MALRD1: variants seen among roughly 807,000 people sequenced by gnomAD.
The protein encoded by MALRD1 is MAM and LDL receptor class A domain containing 1, also known as MAM and LDL-receptor class A domain-containing protein 1.
A neutral mutation model predicts 242.1 loss-of-function variants in MALRD1; 247 were observed. That is an observed-to-expected ratio of 1.02 (90% CI 0.92 to 1.13). MALRD1 has a LOEUF of 1.13. MALRD1 is among the 50% of genes most tolerant of loss of function. The pLI, the probability that MALRD1 is intolerant of heterozygous loss-of-function variation, is 0.00. For missense variants in MALRD1, 2,989 were observed against 2,533.1 expected (o/e 1.18, Z -3.86); for synonymous variants, 995 against 866.6 (o/e 1.15, Z -2.60).
At chr10:19,618,811 T>A (rs1434370234) in intron 36 of MALRD1, among the ~76,000 whole-genome samples, 1 of 152,062 alleles carries the variant, frequency 6.6e-6, no homozygotes, top group Admixed American at 6.6e-5. Flanking sequence ...TTGCTCTTTC[T>A]CATTACCTGA....
intron 2 of MALRD1, among the ~76,000 whole-genome samples, chr10:19,074,698 GA>G (rs1296439638): frequency 1.1e-4 from 17 of 151,964 alleles, no homozygotes; most frequent in African/African-American, 4.1e-4. Context: ...AGCTAAAAAT[GA>G]TACATTCTCT....
At chr10:19,300,409 C>T (rs1231865578) in intron 21 of MALRD1, among the ~76,000 whole-genome samples, 2 of 151,870 alleles carry the variant, frequency 1.3e-5, no homozygotes, top group African/African-American at 4.8e-5. Flanking sequence ...ATAGCAAGAG[C>T]AATCCTAAGC....
chr10:19,256,604 C>T (rs1839526311), intron 18 of MALRD1, among the ~76,000 whole-genome samples: 1 of 151,898 alleles, frequency 6.6e-6, no homozygotes. Flanking sequence ...GAAACATTTC[C>T]CAAATTAATT....
intron 18 of MALRD1, among the ~76,000 whole-genome samples, chr10:19,247,636 C>T (rs377150018): frequency 8.6e-5 from 13 of 151,770 alleles, no homozygotes; most frequent in African/African-American, 3.1e-4. Context: ...TAAGTGACAC[C>T]AAAGCATTTC....
rs947600759 is a variant in MALRD1 at position 19,048,944 on chromosome 10, C to T, written c.6C>T (p.Leu2=). M[L]FFLDRMLAFP... ...CTAATAGACAATACCAAGTAATGCT[C>T]TTCTTCCTGGACAGAATGTTGGCAT... The change falls in exon 1 of 40, where the codon CTC becomes CTT. Residue 2 remains leucine, a synonymous_variant. Coordinates refer to ENST00000454679, the MANE Select transcript of MALRD1 (RefSeq NM_001142308.3). The T allele has an allele frequency of 4.1e-6, 5 of 1,233,856 alleles. No individual in the cohort carries two copies. The highest frequency in any genetic ancestry group is 4.0e-6 in the Non-Finnish European group (4 of 988,088). 76.4% of individuals were successfully genotyped at this position (1,233,856 alleles called of 1,614,324 possible). A position where few individuals can be genotyped will look rare whatever the true frequency, so the allele number is the denominator to read the frequency against.
At chr10:19,082,754 T>A (rs905160475) in intron 2 of MALRD1, among the ~76,000 whole-genome samples, 2 of 152,018 alleles carry the variant, frequency 1.3e-5, no homozygotes, top group African/African-American at 4.8e-5. Flanking sequence ...CTTCTGTTAC[T>A]GTTTGTTGTA....
rs367812788 is a variant in MALRD1 at position 19,515,950 on chromosome 10, C to G, written c.5321-15244C>G. 1.2e-4 allele frequency among the ~76,000 whole-genome samples: 18 copies of G among 152,276 alleles called. No homozygotes were observed. The East Asian group carries it at 3.5e-3, about 29-fold the overall frequency. On this transcript the variant is annotated intron_variant, in intron 31 of 39. Transcript: ENST00000454679. Reference sequence around the variant, plus strand: ...ACATGGGAATTTTAGATTACTTACACCTATTTAATTCACTTGTTTTTATGA... The same window carrying G: ...ACATGGGAATTTTAGATTACTTACAGCTATTTAATTCACTTGTTTTTATGA...
intron 29 of MALRD1, among the ~76,000 whole-genome samples, chr10:19,462,013 A>T (rs901902087): frequency 4.6e-5 from 7 of 152,116 alleles, no homozygotes; most frequent in African/African-American, 9.7e-5. Flanking sequence ...CCCTCAGACT[A>T]GTTATTGTAG....
chr10:19,387,859 C>A, intron 27 of MALRD1, 86 bp downstream of exon 27: 1 of 1,437,604 alleles, frequency 7.0e-7, no homozygotes, highest in Non-Finnish European at 9.3e-7. Flanking sequence ...CTGGGGAGCT[C>A]TGAAGAGACC....
chr10:19,695,663 G>T (rs904011372), intron 38 of MALRD1, among the ~76,000 whole-genome samples: 3 of 151,948 alleles, frequency 2.0e-5, no homozygotes, highest in South Asian at 2.1e-4. Flanking sequence ...GGGATTACAG[G>T]TACCTGCCAC....
chr10:19,603,862 A>G lies in MALRD1; in HGVS notation c.5945-3915A>G, dbSNP rs114664122. On this transcript the variant is annotated intron_variant, in intron 34 of 39. Transcript: ENST00000454679. ...TGGTGCCATGAACCATGCCCATATA[A>G]GATGGTAAATTTAATTGATAAATGT... Among the ~76,000 whole-genome samples the G allele has an allele frequency of 3.3e-3, 500 of 152,266 alleles. 2 individuals carry two copies. The highest frequency in any genetic ancestry group is 0.011 in the African/African-American group (478 of 41,572).
At chr10:19,358,427 T>C (rs1844739578) in intron 26 of MALRD1, among the ~76,000 whole-genome samples, 1 of 152,144 alleles carries the variant, frequency 6.6e-6, no homozygotes, top group African/African-American at 2.4e-5. Context: ...AGAATGCTGG[T>C]GTAGCAACTC....
chr10:19,194,210 G>A (rs1836128472), intron 14 of MALRD1, among the ~76,000 whole-genome samples: 1 of 152,072 alleles, frequency 6.6e-6, no homozygotes, highest in South Asian at 2.1e-4. Flanking sequence ...ACCCTGATGT[G>A]CCTAAGTTAT....
At chr10:19,588,502 G>T (rs1174266017) in intron 33 of MALRD1, among the ~76,000 whole-genome samples, 1 of 152,190 alleles carries the variant, frequency 6.6e-6, no homozygotes, top group African/African-American at 2.4e-5. Flanking sequence ...ACCTGGTGAA[G>T]TTGCTGTTGT....
At chr10:19,416,344 A>G (rs974230458) in intron 28 of MALRD1, among the ~76,000 whole-genome samples, 2 of 152,198 alleles carry the variant, frequency 1.3e-5, no homozygotes, top group East Asian at 3.9e-4. Context: ...GCACTATTCA[A>G]TGTGGGAAGG....
At chr10:19,647,946 ACT>A (rs1312655496) in intron 36 of MALRD1, among the ~76,000 whole-genome samples, 1 of 152,086 alleles carries the variant, frequency 6.6e-6, no homozygotes, top group African/African-American at 2.4e-5. Flanking sequence ...GATTTTGCAG[ACT>A]CTCTGCCTGG....
intron 31 of MALRD1, among the ~76,000 whole-genome samples, chr10:19,514,186 T>G (rs1833529556): frequency 6.6e-6 from 1 of 152,128 alleles, no homozygotes; most frequent in Non-Finnish European, 1.5e-5. Flanking sequence ...GGCAAGAAAA[T>G]TTTGTTTTTG....
chr10:19,694,530 C>T (rs1589411133), intron 38 of MALRD1, among the ~76,000 whole-genome samples: 1 of 152,330 alleles, frequency 6.6e-6, no homozygotes, highest in Middle Eastern at 3.4e-3. Context: ...GAGATATCAT[C>T]TCACACCAGT....
intron 33 of MALRD1, among the ~76,000 whole-genome samples, chr10:19,580,125 A>C (rs980700251): frequency 7.9e-5 from 12 of 152,194 alleles, no homozygotes; most frequent in African/African-American, 2.9e-4. Context: ...GCAGGAAAAA[A>C]ATGGCCAGCA....
Sources: gnomAD v4.1 joint callset for allele counts (sites outside exome capture counted in the v4.1 genomes callset) on GRCh38, gnomAD v4.1.1 for gene constraint, MANE v1.5 for transcripts, NCBI Gene and HGNC (gene_info 2026-07-23, HGNC 2026-07-21) for gene names.